The following ADAD1 variants were observed in gnomAD, a reference collection of about 807,000 sequenced individuals.
ADAD1 encodes adenosine deaminase domain containing 1.
Under a neutral mutation model 66.8 loss-of-function variants are expected in ADAD1, and 46 were observed. The ratio of observed to expected loss-of-function variants is 0.69; its 90% confidence interval spans 0.54 to 0.88. ADAD1 has a LOEUF of 0.88. Ranked by LOEUF, ADAD1 falls within the 40% of genes least tolerant of loss-of-function variation. The pLI is 0.00. For synonymous variants in ADAD1, 248 were observed against 229.4 expected, an observed-to-expected ratio of 1.08 and a Z score of -0.73; for missense variants, 617 against 681.8, an observed-to-expected ratio of 0.91 and a Z score of 1.06.
intron 2 of ADAD1, 175 bp downstream of exon 2, chr4:122,379,620 C>T (rs1794779330): frequency 1.3e-5 from 2 of 155,548 alleles, no homozygotes; most frequent in South Asian, 4.0e-4. Context: ...GCCTGCGAGC[C>T]CCCGGCCTGA....
At chr4:122,408,208 T>C (rs1456401017) in intron 8 of ADAD1, among the ~76,000 whole-genome samples, 177 bp downstream of exon 8, 2 of 152,240 alleles carry the variant, frequency 1.3e-5, no homozygotes, top group African/African-American at 2.4e-5. Flanking sequence ...TTTATCATAG[T>C]AACGCCAATG....
chr4:122,414,509 G>A (rs1032004791), intron 10 of ADAD1, among the ~76,000 whole-genome samples: 1 of 151,850 alleles, frequency 6.6e-6, no homozygotes, highest in Admixed American at 6.6e-5. Flanking sequence ...TTAAGGAAGT[G>A]TTTAGAAAAA....
At position 122,415,589 on chromosome 4, in the gene ADAD1, A is replaced by T. The variant is rs200511887; in HGVS notation, c.1460A>T (p.Asp487Val). The T allele has an allele frequency of 6.2e-7, 1 of 1,613,808 alleles. No homozygotes were observed. Among genetic ancestry groups the T allele is most frequent in the African/African-American group, 1.3e-5 (1 of 75,030 alleles). Reference protein sequence around the residue: ...AQGDVSLEIVDGLSGKITESS... With the variant: ...AQGDVSLEIVVGLSGKITESS... Reference sequence around the variant, plus strand: ...GGAGATGTTTCTTTGGAGATTGTGGATGGCCTGAGTGGGAAGATCACTGAA... The same window carrying T: ...GGAGATGTTTCTTTGGAGATTGTGGTTGGCCTGAGTGGGAAGATCACTGAA... The change falls in exon 11 of 13, where the codon GAT becomes GTT. Residue 487 changes from aspartate (D) to valine (V), a missense_variant. Asp to Val is a radical substitution (Grantham distance 152). Transcript: ENST00000296513.
At chr4:122,400,936 T>G (rs1281335078) in intron 7 of ADAD1, among the ~76,000 whole-genome samples, 2 of 152,124 alleles carry the variant, frequency 1.3e-5, no homozygotes, top group African/African-American at 4.8e-5. Flanking sequence ...GTTTGTCTTT[T>G]CAAAGAACCA....
At chr4:122,386,478 C>G (rs1795178710) in intron 5 of ADAD1, among the ~76,000 whole-genome samples, 1 of 123,166 alleles carries the variant, frequency 8.1e-6, no homozygotes, top group African/African-American at 3.1e-5. Flanking sequence ...AATTTTCTCC[C>G]ATTTTGTAGG....
intron 7 of ADAD1, among the ~76,000 whole-genome samples, chr4:122,398,129 T>C (rs2150557838): frequency 6.6e-6 from 1 of 152,226 alleles, no homozygotes; most frequent in Non-Finnish European, 1.5e-5. Flanking sequence ...TGTAGTCTTT[T>C]ATCCCTCATC....
chr4:122,394,377 G>C (rs549993847), intron 6 of ADAD1, among the ~76,000 whole-genome samples: 2 of 152,086 alleles, frequency 1.3e-5, no homozygotes, highest in African/African-American at 4.8e-5. Flanking sequence ...TACCAAGTGG[G>C]CACACTTCAG....
intron 7 of ADAD1, among the ~76,000 whole-genome samples, chr4:122,402,191 G>A (rs895340740): frequency 4.6e-5 from 7 of 151,956 alleles, no homozygotes; most frequent in South Asian, 2.1e-4. Flanking sequence ...TACTGGCTTC[G>A]CAGTGGTGAA....
At chr4:122,403,294 C>A (rs1038740513) in intron 7 of ADAD1, among the ~76,000 whole-genome samples, 11 of 152,160 alleles carry the variant, frequency 7.2e-5, no homozygotes, top group Non-Finnish European at 1.5e-4. Context: ...GATTACCGGG[C>A]TCCAGGCTGG....
chr4:122,403,799 C>T (rs1488050339), intron 7 of ADAD1, among the ~76,000 whole-genome samples: 1 of 152,136 alleles, frequency 6.6e-6, no homozygotes, highest in Non-Finnish European at 1.5e-5. Flanking sequence ...GAAAAACCAT[C>T]AGATAGAAGC....
chr4:122,418,606 G>A (rs1372827385), intron 11 of ADAD1, among the ~76,000 whole-genome samples: 2 of 152,154 alleles, frequency 1.3e-5, no homozygotes, highest in Admixed American at 1.3e-4. Flanking sequence ...ACAGGCGTGA[G>A]CCACCAATAA....
chr4:122,407,419 G>GT (rs1560594315), intron 7 of ADAD1, among the ~76,000 whole-genome samples: 2 of 152,154 alleles, frequency 1.3e-5, no homozygotes, highest in South Asian at 2.1e-4. Flanking sequence ...AAAGCATAAG[G>GT]TTTTTTTGTT....
intron 5 of ADAD1, among the ~76,000 whole-genome samples, chr4:122,391,071 A>G (rs1366339353): frequency 3.3e-5 from 5 of 151,806 alleles, no homozygotes; most frequent in African/African-American, 1.2e-4. Context: ...TGTTGATGCT[A>G]TTGTTGCTTT....
chr4:122,384,896 CATT>C (rs1486942949), intron 5 of ADAD1, among the ~76,000 whole-genome samples: 2 of 152,170 alleles, frequency 1.3e-5, no homozygotes, highest in African/African-American at 2.4e-5. Flanking sequence ...CTTCTATATT[CATT>C]ATTGTTTTCT....
intron 4 of ADAD1, 119 bp from the exon 5 acceptor site, chr4:122,383,680 T>C: frequency 1.8e-6 from 2 of 1,098,194 alleles, no homozygotes; most frequent in Non-Finnish European, 2.6e-6. Flanking sequence ...CTTGTAAAGT[T>C]GGTGTTTATG....
chr4:122,422,356 G>A (rs558735127), intron 12 of ADAD1, among the ~76,000 whole-genome samples: 161 of 152,108 alleles, frequency 1.1e-3, no homozygotes, highest in African/African-American at 3.6e-3. Flanking sequence ...AACTCCTCAC[G>A]TCAGGTGATC....
At chr4:122,399,656 T>C (rs369495658) in intron 7 of ADAD1, among the ~76,000 whole-genome samples, 12 of 152,078 alleles carry the variant, frequency 7.9e-5, no homozygotes, top group African/African-American at 2.7e-4. Context: ...TTCTGTCATC[T>C]GTGATTTCTT....
intron 7 of ADAD1, 49 bp from the exon 8 acceptor site, chr4:122,407,859 G>C: frequency 6.3e-7 from 1 of 1,592,436 alleles, no homozygotes; most frequent in Non-Finnish European, 8.6e-7. Flanking sequence ...GTGAATGTAG[G>C]GAAGAGAGAG....
At chr4:122,384,605 C>G (rs1348747607) in intron 5 of ADAD1, among the ~76,000 whole-genome samples, 1 of 152,132 alleles carries the variant, frequency 6.6e-6, no homozygotes, top group Non-Finnish European at 1.5e-5. Flanking sequence ...ATTTAAAATA[C>G]TTTGTTGAAC....
Sources: gnomAD v4.1 joint callset for allele counts (sites outside exome capture counted in the v4.1 genomes callset) on GRCh38, gnomAD v4.1.1 for gene constraint, MANE v1.5 for transcripts, NCBI Gene and HGNC (gene_info 2026-07-23, HGNC 2026-07-21) for gene names.